PRDM15: variants seen among roughly 807,000 people sequenced by gnomAD.
PRDM15 encodes the protein PR domain zinc finger protein 15.
A neutral mutation model predicts 128.6 loss-of-function variants in PRDM15; 64 were observed. The ratio of observed to expected loss-of-function variants is 0.50; its 90% CI spans 0.41 to 0.61. The LOEUF is 0.61. Among genes scored for constraint, PRDM15 ranks in the 20% least tolerant of loss-of-function variants. The pLI, the probability that PRDM15 is intolerant of heterozygous loss-of-function variation, is 0.00. For missense variants in PRDM15, 1,242 were observed against 1,569.1 expected, an observed-to-expected ratio of 0.79 and a Z score of 3.52; for synonymous variants, 615 against 621.8, an observed-to-expected ratio of 0.99 and a Z score of 0.16.
chr21:41,874,525 A>ATATATTTTTTTTTTT, intron 1 of PRDM15, among the ~76,000 whole-genome samples: 9 of 95,810 alleles, frequency 9.4e-5, no homozygotes, highest in South Asian at 4.0e-4. Flanking sequence ...ATATATATAT[A>ATATATTTTTTTTTTT]TTTTTTTTTT....
In PRDM15 at chr21:41,823,298, G is replaced by A. The variant is rs368229555; in HGVS notation, c.1761+20C>T. 2.5e-6 allele frequency: 4 copies of A among 1,606,054 alleles called. No individual in the cohort carries two copies. The highest frequency in any genetic ancestry group is 3.4e-6 in the Non-Finnish European group (4 of 1,176,556). ...GCCTGCCGTGAGCATGCCTGGGTGA[G>A]GGCAGCACGCGATCGACACCTTGAA... On this transcript the variant is annotated intron_variant, in intron 14 of 23. Coordinates refer to ENST00000398548, the MANE Select transcript of PRDM15 (RefSeq NM_001040424.3).
chr21:41,807,245 CAAAGT>C (rs1012727123), intron 21 of PRDM15, among the ~76,000 whole-genome samples: 45 of 152,302 alleles, frequency 3.0e-4, no homozygotes, highest in Admixed American at 2.8e-3. Context: ...AACATTCATT[CAAAGT>C]AAAGAGAAAA....
At chr21:41,838,170 G>T in intron 7 of PRDM15, 107 bp from the exon 8 acceptor site, 3 of 1,205,856 alleles carry the variant, frequency 2.5e-6, no homozygotes, top group East Asian at 2.4e-5. Flanking sequence ...AGGCCAGAAT[G>T]GTAGGCACAA....
rs1265882776 is a variant in PRDM15 at position 41,798,608 on chromosome 21, C to G, written c.*2632G>C. 1 of 152,242 alleles carries G rather than the reference C, an allele frequency of 6.6e-6. No individual in the cohort carries two copies. The highest frequency in any genetic ancestry group is 6.5e-5 in the Admixed American group (1 of 15,276). 9.4% of individuals were successfully genotyped at this position (152,242 alleles called of 1,614,324 possible). On this transcript the variant is annotated 3_prime_UTR_variant, in exon 24 of 24. Transcript: ENST00000398548. ...CTGTGGCCTCCCCGCAAGACTCACA[C>G]CAGTGGATGGCACTCGAGTCCACAG...
At chr21:41,802,952 A>G in intron 22 of PRDM15, 31 bp from the exon 23 acceptor site, 1 of 1,596,114 alleles carries the variant, frequency 6.3e-7, no homozygotes, top group Non-Finnish European at 8.6e-7. Context: ...GCCGAGAACC[A>G]GGTTAGTCGG....
chr21:41,808,469 G>A (rs752773501), intron 21 of PRDM15, among the ~76,000 whole-genome samples: 8 of 152,186 alleles, frequency 5.3e-5, no homozygotes, highest in Admixed American at 6.5e-5. Flanking sequence ...GCGACGTCCC[G>A]GGTCACCCCC....
rs78882046 is a variant in PRDM15, at chr21:41,847,092, T to C, written c.638A>G (p.Asn213Ser). Residue 213 changes from asparagine (N) to serine (S), a missense_variant and splice_region_variant, in exon 6 of 24, where the codon AAT (asparagine) becomes AGT (serine). Coordinates refer to ENST00000398548, the MANE Select transcript of PRDM15 (RefSeq NM_001040424.3). ...GGCTCCCCACACGTCCTCCTTACCATTGAGGAGCTGCAGCTCCAGGAAGGT... is the reference window on the plus strand; with the variant it reads ...GGCTCCCCACACGTCCTCCTTACCACTGAGGAGCTGCAGCTCCAGGAAGGT... ...SATFLELQLL[N>S]EHLLGHLEQA... The C allele has an allele frequency of 7.1e-6, 11 of 1,543,438 alleles. No homozygotes were observed. The highest frequency in any genetic ancestry group is 4.9e-5 in the East Asian group (2 of 41,052).
chr21:41,802,482 T>C (rs1183003199), intron 23 of PRDM15, among the ~76,000 whole-genome samples: 1 of 152,194 alleles, frequency 6.6e-6, no homozygotes, highest in African/African-American at 2.4e-5. Context: ...TTCAACATGC[T>C]AGAATATATG....
At position 41,824,138 on chromosome 21, in the gene PRDM15, C is replaced by T. The variant is rs1368062188; in HGVS notation, c.1630-689G>A. Among the ~76,000 whole-genome samples the T allele has an allele frequency of 7.1e-5, 10 of 141,016 alleles. 1 individual carries two copies. The highest frequency in any genetic ancestry group is 2.8e-4 in the Admixed American group (4 of 14,338). The allele number at this position is 141,016 out of a possible 152,430, so 92.5% of individuals were successfully genotyped here. ...GGCTATTCCCAGCGGCCACGTAATC[C>T]GGGGTGTGACCTCCTAAAGTTCGCC... is the stretch of plus-strand genomic sequence containing the variant. On this transcript the variant is annotated intron_variant, in intron 13 of 23. Transcript: ENST00000398548.
At chr21:41,824,614 G>C (rs1202506607) in intron 13 of PRDM15, among the ~76,000 whole-genome samples, 1 of 152,224 alleles carries the variant, frequency 6.6e-6, no homozygotes, top group Non-Finnish European at 1.5e-5. Context: ...TCAGTGGACA[G>C]AAAGACTGGG....
rs372563904 is a variant in PRDM15, at chr21:41,835,426, G to C, written c.1366+11C>G. The C allele has an allele frequency of 3.7e-6, 6 of 1,601,916 alleles. No individual in the cohort carries two copies. In the East Asian group the frequency reaches 1.3e-4, roughly 36 times the overall value. ...ACAGCGGCCGAGGGGAGACGTGACC[G>C]GCGCCCTCACCTGTCCTGCAGTTGT... On this transcript the variant is annotated intron_variant, in intron 11 of 23. Coordinates refer to ENST00000398548, the MANE Select transcript of PRDM15 (RefSeq NM_001040424.3).
chr21:41,835,142 C>T (rs1245391251), intron 11 of PRDM15, among the ~76,000 whole-genome samples: 1 of 152,164 alleles, frequency 6.6e-6, no homozygotes, highest in African/African-American at 2.4e-5. Context: ...ACTGCTGCTC[C>T]CTGTTTTTAG....
chr21:41,829,549 C>G lies in PRDM15; in HGVS notation c.1367-1216G>C, dbSNP rs929783180. Among the ~76,000 whole-genome samples, 14 of 142,544 alleles carry G rather than the reference C, an allele frequency of 9.8e-5. No individual in the cohort carries two copies. The East Asian group carries it at 3.3e-3, about 34-fold the overall frequency. The allele number at this position is 142,544 out of a possible 152,430, so 93.5% of individuals were successfully genotyped here. A position where few individuals can be genotyped will look rare whatever the true frequency, so the allele number is the denominator to read the frequency against. ...TCACACACCACACAGATACACTCAA[C>G]ATACACCACATACACAACCCACAAA... is the stretch of plus-strand genomic sequence containing the variant. On this transcript the variant is annotated intron_variant, in intron 11 of 23. Coordinates refer to ENST00000398548, the MANE Select transcript of PRDM15 (RefSeq NM_001040424.3).
At chr21:41,819,351 T>G (rs2062164501) in intron 18 of PRDM15, among the ~76,000 whole-genome samples, 3 of 144,246 alleles carry the variant, frequency 2.1e-5, no homozygotes, top group African/African-American at 7.8e-5. Context: ...CTCCCAGTTC[T>G]CGCTCACATC....
In PRDM15 at chr21:41,864,913, C is replaced by T. The variant is rs368394585; in HGVS notation, c.-9-4541G>A. ...ACCCCCACCCTCTCCAGCCACGCTTCCCGGAACGCCAAGCTGGGTCCTGCC... is the reference window on the plus strand; with the variant it reads ...ACCCCCACCCTCTCCAGCCACGCTTTCCGGAACGCCAAGCTGGGTCCTGCC... On this transcript the variant is annotated intron_variant, in intron 1 of 23. Coordinates refer to ENST00000398548, the MANE Select transcript of PRDM15 (RefSeq NM_001040424.3). 3.5e-3 allele frequency among the ~76,000 whole-genome samples: 517 copies of T among 149,596 alleles called. 1 individual carries two copies. The highest frequency in any genetic ancestry group is 5.5e-3 in the Non-Finnish European group (372 of 67,400).
In PRDM15 at chr21:41,822,036, T is replaced by G; in HGVS notation, c.1763A>C (p.Asp588Ala). The G allele has an allele frequency of 6.2e-7, 1 of 1,613,958 alleles. No individual in the cohort carries two copies. The highest frequency in any genetic ancestry group is 8.5e-7 in the Non-Finnish European group (1 of 1,180,038). Reference sequence around the variant, plus strand: ...CTGGTGGTCATCCATCAACGCGATGTCCTGGAAAACAGCCACCACTTCCGG... The same window carrying G: ...CTGGTGGTCATCCATCAACGCGATGGCCTGGAAAACAGCCACCACTTCCGG... ...LRDHIHVHFK[D>A]IALMDDHQRE... is the part of the protein sequence containing the mutation. The change falls in exon 15 of 24, where the codon GAC becomes GCC. Residue 588 changes from aspartate to alanine, a missense_variant and splice_region_variant. By Grantham distance (126) the Asp-to-Ala change is moderately radical. Coordinates refer to ENST00000398548, the MANE Select transcript of PRDM15 (RefSeq NM_001040424.3).
chr21:41,865,749 T>C (rs117493990), intron 1 of PRDM15, among the ~76,000 whole-genome samples: 8,860 of 152,320 alleles, frequency 0.058, 342 homozygotes, highest in Middle Eastern at 0.13. Flanking sequence ...AGATTTATTT[T>C]CTTTCATTTT....
intron 10 of PRDM15, 74 bp downstream of exon 10, chr21:41,836,036 TACA>T: frequency 1.2e-6 from 1 of 849,022 alleles, no homozygotes; most frequent in Non-Finnish European, 1.8e-6. Context: ...TTCTTCTCAT[TACA>T]ACATGGTGAT....
chr21:41,825,322 G>C (rs918067858), intron 13 of PRDM15, among the ~76,000 whole-genome samples: 1 of 152,232 alleles, frequency 6.6e-6, no homozygotes, highest in African/African-American at 2.4e-5. Context: ...GACGCGCAGC[G>C]TGTTTGCTGG....
Sources: gnomAD v4.1 joint callset for allele counts (sites outside exome capture counted in the v4.1 genomes callset) on GRCh38, gnomAD v4.1.1 for gene constraint, MANE v1.5 for transcripts, NCBI Gene and HGNC (gene_info 2026-07-23, HGNC 2026-07-21) for gene names.